The following FBXL18 variants were observed in gnomAD, a reference collection of about 807,000 sequenced individuals.
FBXL18 encodes F-box and leucine rich repeat protein 18, also known as F-box/LRR-repeat protein 18.
FBXL18 carries 36 observed loss-of-function variants against 46.0 expected under a neutral mutation model. The ratio of observed to expected loss-of-function variants is 0.78; its 90% CI spans 0.60 to 1.03. The LOEUF (loss-of-function observed/expected upper bound fraction) is 1.03. FBXL18 is among the 50% of genes least tolerant of loss of function. The pLI is 0.00. For missense variants in FBXL18, 977 were observed against 1,004.1 expected, an observed-to-expected ratio of 0.97 and a Z score of 0.36; for synonymous variants, 557 against 465.3, an observed-to-expected ratio of 1.20 and a Z score of -2.54.
chr7:5,465,812 C>A (rs1046994620), intron 4 of FBXL18, among the ~76,000 whole-genome samples: 4 of 149,346 alleles, frequency 2.7e-5, no homozygotes, highest in Non-Finnish European at 5.9e-5. Context: ...GCACAGGTAC[C>A]TCCTAAATTT....
Position 5,513,708 on chromosome 7 carries a change from C to G in FBXL18, c.-34G>C, listed in dbSNP as rs780631850. On this transcript the variant is annotated 5_prime_UTR_variant, in exon 1 of 5. Coordinates refer to ENST00000382368, the MANE Select transcript of FBXL18 (RefSeq NM_024963.6). Reference sequence around the variant, plus strand: ...CGGGTCCGAACCGCGGCCGCGGGATCCGCAACCCCGTGCCTCCCACCTGCC... The same window carrying G: ...CGGGTCCGAACCGCGGCCGCGGGATGCGCAACCCCGTGCCTCCCACCTGCC... 4.4e-6 allele frequency: 7 copies of G among 1,593,982 alleles called. No individual in the cohort carries two copies. In the African/African-American group the frequency reaches 8.1e-5, roughly 18 times the overall value.
At chr7:5,488,743 G>A (rs1783839246) in intron 4 of FBXL18, among the ~76,000 whole-genome samples, 1 of 152,222 alleles carries the variant, frequency 6.6e-6, no homozygotes. Flanking sequence ...AAGGCCCGAG[G>A]CTCTTCCCAC....
Position 5,500,470 on chromosome 7 carries a change from TC to T in FBXL18, c.1781+17del. 6.4e-7 allele frequency: 1 copy of T among 1,567,210 alleles called. No homozygotes were observed. The highest frequency in any genetic ancestry group is 8.7e-7 in the Non-Finnish European group (1 of 1,154,410). ...CAGCTTCCAGCAGAGGCCCGAGAGG[TC>T]CCCGCGGCCCCCTCACCTGAGGTCC... is the stretch of plus-strand genomic sequence containing the variant. On this transcript the variant is annotated intron_variant, in intron 3 of 4. Transcript: ENST00000382368.
At chr7:5,512,795 T>C (rs758720140) in intron 1 of FBXL18, among the ~76,000 whole-genome samples, 15 of 150,164 alleles carry the variant, frequency 1.0e-4, no homozygotes, top group Non-Finnish European at 1.3e-4. Flanking sequence ...ACTGGGGTCA[T>C]TTCTAGGCCG....
downstream of FBXL18, among the ~76,000 whole-genome samples, chr7:5,472,876 A>T (rs1398279524): frequency 3.9e-5 from 6 of 152,140 alleles, no homozygotes; most frequent in African/African-American, 1.4e-4. Context: ...TATGTACAAG[A>T]CAGAATGTTT....
intron 1 of FBXL18, among the ~76,000 whole-genome samples, chr7:5,510,175 G>C: frequency 6.6e-6 from 1 of 151,384 alleles, no homozygotes; most frequent in East Asian, 1.9e-4. Flanking sequence ...GGTGGCAGGC[G>C]CCTGTAATGC....
chr7:5,509,744 C>T (rs182283539), intron 1 of FBXL18, among the ~76,000 whole-genome samples: 98 of 150,894 alleles, frequency 6.5e-4, no homozygotes, highest in African/African-American at 1.6e-3. Flanking sequence ...CAGGCCAGAC[C>T]CCTGATGCAA....
At chr7:5,511,695 G>A (rs1784537596) in intron 1 of FBXL18, among the ~76,000 whole-genome samples, 1 of 151,282 alleles carries the variant, frequency 6.6e-6, no homozygotes, top group African/African-American at 2.4e-5. Flanking sequence ...GTGAACCTGA[G>A]AGGTGGAGCT....
intron 3 of FBXL18, among the ~76,000 whole-genome samples, chr7:5,495,640 C>T (rs1326422741): frequency 6.6e-6 from 1 of 152,188 alleles, no homozygotes; most frequent in African/African-American, 2.4e-5. Flanking sequence ...CCAAGCTCTG[C>T]CACCAAAGAG....
chr7:5,506,415 C>T (rs1287511712), intron 1 of FBXL18, among the ~76,000 whole-genome samples: 3 of 151,288 alleles, frequency 2.0e-5, no homozygotes, highest in Admixed American at 1.3e-4. Context: ...CGCCCACGCC[C>T]GGCTAATTTT....
intron 4 of FBXL18, among the ~76,000 whole-genome samples, chr7:5,462,950 C>CAAAAAAAAAAAAAAAAAAAAAAA (rs138208570): frequency 8.9e-5 from 2 of 22,380 alleles, no homozygotes; most frequent in African/African-American, 1.3e-4. Context: ...GACTTGGTCT[C>CAAAAAAAAAAAAAAAAAAAAAAA]AAAAAAAAAA....
intron 4 of FBXL18, among the ~76,000 whole-genome samples, chr7:5,464,262 T>C (rs1480579925): frequency 6.6e-6 from 1 of 151,556 alleles, no homozygotes; most frequent in Non-Finnish European, 1.5e-5. Flanking sequence ...GCGGATCACC[T>C]GAGGTCAGGA....
chr7:5,483,085 C>T (rs2128234113), intron 4 of FBXL18, among the ~76,000 whole-genome samples: 1 of 151,404 alleles, frequency 6.6e-6, no homozygotes, highest in African/African-American at 2.4e-5. Flanking sequence ...AAAGACGACC[C>T]AAGTGCCAGC....
intron 4 of FBXL18, among the ~76,000 whole-genome samples, chr7:5,486,768 C>T (rs1232505821): frequency 6.6e-6 from 1 of 152,178 alleles, no homozygotes; most frequent in Admixed American, 6.5e-5. Context: ...GCGCGGTCAC[C>T]AGCAACAGGT....
downstream of FBXL18, among the ~76,000 whole-genome samples, chr7:5,472,143 TC>T (rs1181267105): frequency 6.6e-6 from 1 of 151,660 alleles, no homozygotes; most frequent in Non-Finnish European, 1.5e-5. Context: ...AAACACAAGT[TC>T]CCCCAGACCT....
chr7:5,463,345 G>A (rs1783284145), intron 4 of FBXL18, among the ~76,000 whole-genome samples: 2 of 151,886 alleles, frequency 1.3e-5, no homozygotes, highest in Admixed American at 6.6e-5. Flanking sequence ...TGAGGGCTGG[G>A]GCAGTGGCTC....
intron 1 of FBXL18, 77 bp from the exon 2 acceptor site, chr7:5,505,707 G>T: frequency 8.4e-7 from 1 of 1,197,250 alleles, no homozygotes; most frequent in Non-Finnish European, 1.2e-6. Flanking sequence ...AGGCAGAGAA[G>T]CAAAGAGAAG....
intron 3 of FBXL18, among the ~76,000 whole-genome samples, chr7:5,492,213 C>T (rs1296998277): frequency 2.0e-5 from 3 of 148,276 alleles, no homozygotes; most frequent in African/African-American, 7.5e-5. Context: ...ATTCTAGATC[C>T]TTCCTGGGGA....
chr7:5,486,686 G>A (rs927781746), intron 4 of FBXL18, among the ~76,000 whole-genome samples: 9 of 152,134 alleles, frequency 5.9e-5, no homozygotes, highest in Admixed American at 2.6e-4. Flanking sequence ...AGAAGAGACG[G>A]CGGCCGATAC....
Sources: gnomAD v4.1 joint callset for allele counts (sites outside exome capture counted in the v4.1 genomes callset) on GRCh38, gnomAD v4.1.1 for gene constraint, MANE v1.5 for transcripts, NCBI Gene and HGNC (gene_info 2026-07-23, HGNC 2026-07-21) for gene names.